Variants in FAM149A observed in about 807,000 individuals in gnomAD.
FAM149A encodes the protein family with sequence similarity 149 member A.
FAM149A carries 71 observed loss-of-function variants against 78.2 expected under a neutral mutation model. The ratio of observed to expected loss-of-function variants is 0.91; its 90% CI spans 0.75 to 1.11. FAM149A has a LOEUF of 1.11. FAM149A is among the 50% of genes least tolerant of loss of function. FAM149A has a pLI of 0.00. For missense variants in FAM149A, 1,036 were observed against 971.0 expected (o/e 1.07, Z -0.89); for synonymous variants, 446 against 410.5 (o/e 1.09, Z -1.04).
intron 6 of FAM149A, 134 bp from the exon 7 acceptor site, chr4:186,155,863 TAAA>T (rs1305345172): frequency 2.0e-5 from 12 of 610,054 alleles, no homozygotes; most frequent in Admixed American, 1.3e-4. Context: ...TTATATATGT[TAAA>T]AAAGAACGAT....
At chr4:186,170,168 A>C (rs1294499014) in intron 13 of FAM149A, among the ~76,000 whole-genome samples, 3 of 152,156 alleles carry the variant, frequency 2.0e-5, no homozygotes, top group Non-Finnish European at 4.4e-5. Flanking sequence ...GGGAGGGCAG[A>C]GATGCCCAGG....
At position 186,105,192 on chromosome 4, in the gene FAM149A, CG is replaced by C; in HGVS notation, c.122del (p.Gly41AlafsTer163). On this transcript the variant is annotated frameshift_variant, in exon 1 of 14. Coordinates refer to ENST00000389354, the MANE Select transcript of FAM149A (RefSeq NM_001367768.3). LOFTEE classifies it high-confidence loss of function. ...TCGGGAGGTGCTGCCGCTGCAGGGT[CG>C]GGGGGCTCCAGGGCGGGCACCCCGT... 3 of 1,272,526 alleles carry C rather than the reference CG, an allele frequency of 2.4e-6. No individual in the cohort carries two copies. The highest frequency in any genetic ancestry group is 6.5e-5 in the East Asian group (1 of 15,302). The allele number at this position is 1,272,526 out of a possible 1,614,324, so 78.8% of individuals were successfully genotyped here.
chr4:186,162,744 G>T, intron 8 of FAM149A, 101 bp from the exon 9 acceptor site: 1 of 647,276 alleles, frequency 1.5e-6, no homozygotes, highest in Admixed American at 2.8e-5. Context: ...TGGTGAGTGT[G>T]CCGGGTGTTT....
Position 186,167,079 on chromosome 4 carries a change from A to G in FAM149A, c.2122A>G (p.Thr708Ala). 6.2e-7 allele frequency: 1 copy of G among 1,614,110 alleles called. No individual in the cohort carries two copies. The highest frequency in any genetic ancestry group is 1.3e-5 in the African/African-American group (1 of 75,056). ...CCTGGAACGGTTGTCAAGGCCCAGCACAACCCACACGTTCCGGGTGGGTTC... is the reference window on the plus strand; with the variant it reads ...CCTGGAACGGTTGTCAAGGCCCAGCGCAACCCACACGTTCCGGGTGGGTTC... The change falls in exon 12 of 14, where the codon ACA (threonine) becomes GCA (alanine). Residue 708 changes from threonine to alanine, a missense_variant. By Grantham distance (58) the Thr-to-Ala change is moderately conservative. Transcript: ENST00000389354.
At chr4:186,110,411 T>G in intron 1 of FAM149A, 3 of 772,214 alleles carry the variant, frequency 3.9e-6, no homozygotes, top group Non-Finnish European at 4.7e-6. Context: ...TTTTTTATTA[T>G]ACTTTAAGTT....
At chr4:186,153,168 CTG>C (rs1379014628) in intron 4 of FAM149A, 1 of 699,056 alleles carries the variant, frequency 1.4e-6, no homozygotes, top group Non-Finnish European at 1.8e-6. Flanking sequence ...CTTGTCACTG[CTG>C]TCTTACATCA....
intron 1 of FAM149A, among the ~76,000 whole-genome samples, chr4:186,140,441 C>CTTTTTTT (rs67506672): frequency 3.8e-5 from 4 of 104,976 alleles, no homozygotes; most frequent in African/African-American, 1.5e-4. Flanking sequence ...ACACACCTAG[C>CTTTTTTT]TTTTTTTTTT....
chr4:186,105,275 C>T lies in FAM149A; in HGVS notation c.199C>T (p.Arg67Trp), dbSNP rs2150072530. ...GGCTCCGGACTCCCCCTCCGCCTCGCGGCGGTCGCCCGCCCCGCTGCTCTC... is the reference window on the plus strand; with the variant it reads ...GGCTCCGGACTCCCCCTCCGCCTCGTGGCGGTCGCCCGCCCCGCTGCTCTC... Residue 67 changes from arginine (R) to tryptophan (W), a missense_variant, in exon 1 of 14, where the codon CGG (arginine) becomes TGG (tryptophan). This residue lies in a region of FAM149A where 316 missense variants were observed against 241.9 expected (regional missense o/e 1.31). Transcript: ENST00000389354. 2 of 1,193,980 alleles carry T rather than the reference C, an allele frequency of 1.7e-6. No individual in the cohort carries two copies. Among genetic ancestry groups the T allele is most frequent in the South Asian group, 3.0e-5 (2 of 66,372 alleles). 74.0% of individuals were successfully genotyped at this position (1,193,980 alleles called of 1,614,324 possible).
At chr4:186,107,232 A>C (rs1332705364) in intron 1 of FAM149A, among the ~76,000 whole-genome samples, 2 of 152,224 alleles carry the variant, frequency 1.3e-5, no homozygotes, top group African/African-American at 4.8e-5. Flanking sequence ...GCACTGAAAT[A>C]TGCAGCATGG....
At chr4:186,128,760 T>A (rs752332456) in intron 1 of FAM149A, among the ~76,000 whole-genome samples, 1 of 152,194 alleles carries the variant, frequency 6.6e-6, no homozygotes, top group African/African-American at 2.4e-5. Context: ...ATATTCACAC[T>A]TTGAGCTTAG....
chr4:186,169,098 C>T (rs903826841), intron 13 of FAM149A: 4 of 632,092 alleles, frequency 6.3e-6, no homozygotes, highest in South Asian at 7.0e-5. Flanking sequence ...TTGGAGCACA[C>T]GTAAGTAGAG....
chr4:186,163,629 A>G lies in FAM149A; in HGVS notation c.1885A>G (p.Lys629Glu). ...TAGTGACGAAGTTCTTCGGGGAACA[A>G]AACTGTGAGTCTCATTTCTTTCATA... Residue 629 changes from lysine to glutamate, a missense_variant, in exon 10 of 14, where the codon AAA becomes GAA. Coordinates refer to ENST00000389354, the MANE Select transcript of FAM149A (RefSeq NM_001367768.3). 6.2e-7 allele frequency: 1 copy of G among 1,612,228 alleles called. No homozygotes were observed. The highest frequency in any genetic ancestry group is 1.3e-5 in the African/African-American group (1 of 75,026).
In FAM149A at chr4:186,144,955, GC is replaced by G. The variant is rs1732899631; in HGVS notation, c.567-4217del. On this transcript the variant is annotated intron_variant, in intron 1 of 13. Transcript: ENST00000389354. This position sits in a 1 kb window ranked among gnomAD's most constrained non-coding sequence, Gnocchi z 4.2. ...CGCGGGCGCGGGCGCGGGCGCGGGC[GC>G]GGGCGGGTGGGGAGCCCCAGCCCCG... 1.1e-6 allele frequency: 1 copy of G among 925,478 alleles called. No individual in the cohort carries two copies. 57.3% of individuals were successfully genotyped at this position (925,478 alleles called of 1,614,324 possible). A position where few individuals can be genotyped will look rare whatever the true frequency, so the allele number is the denominator to read the frequency against.
intron 1 of FAM149A, among the ~76,000 whole-genome samples, chr4:186,112,102 G>A (rs1478978306): frequency 1.5e-5 from 2 of 134,930 alleles, no homozygotes; most frequent in Non-Finnish European, 3.2e-5. Flanking sequence ...TCCTTGAAGA[G>A]GTCCTTCACA....
chr4:186,117,807 C>T lies in FAM149A; in HGVS notation c.566+12165C>T, dbSNP rs1302162024. 13 of 826,618 alleles carry T rather than the reference C, an allele frequency of 1.6e-5. No homozygotes were observed. In the East Asian group the frequency reaches 3.8e-4, roughly 24 times the overall value. The allele number at this position is 826,618 out of a possible 1,614,324, so 51.2% of individuals were successfully genotyped here. ...GCTAGTAGGAAGCTCTAGGAATAAACGCCTGAGAGGTATGGAGCCTAGGAA... is the reference window on the plus strand; with the variant it reads ...GCTAGTAGGAAGCTCTAGGAATAAATGCCTGAGAGGTATGGAGCCTAGGAA... On this transcript the variant is annotated intron_variant, in intron 1 of 13. Coordinates refer to ENST00000389354, the MANE Select transcript of FAM149A (RefSeq NM_001367768.3).
intron 3 of FAM149A, among the ~76,000 whole-genome samples, chr4:186,150,390 TTG>T (rs1491515126): frequency 2.9e-3 from 282 of 97,292 alleles, no homozygotes; most frequent in South Asian, 3.6e-3. Flanking sequence ...TTTTGCTTGC[TTG>T]CTTTCTCTCT....
chr4:186,139,407 G>A (rs927504617), intron 1 of FAM149A, among the ~76,000 whole-genome samples: 2 of 152,092 alleles, frequency 1.3e-5, no homozygotes, highest in Non-Finnish European at 2.9e-5. Flanking sequence ...GCCTTTAGGA[G>A]GCGATTAGGT....
At chr4:186,156,323 A>G (rs1734031309) in intron 7 of FAM149A, 133 bp downstream of exon 7, 1 of 659,768 alleles carries the variant, frequency 1.5e-6, no homozygotes, top group East Asian at 2.7e-5. Context: ...GACTTTACTC[A>G]TGAGTGCTCT....
At chr4:186,129,173 CTCTGTG>C (rs1190910455) in intron 1 of FAM149A, among the ~76,000 whole-genome samples, 4 of 150,398 alleles carry the variant, frequency 2.7e-5, no homozygotes, top group African/African-American at 9.8e-5. Context: ...GTGTATGTGT[CTCTGTG>C]TCTGTGTATG....
Sources: gnomAD v4.1 joint callset for allele counts (sites outside exome capture counted in the v4.1 genomes callset) on GRCh38, gnomAD v4.1.1 for gene constraint, gnomAD v4.1.1 regional missense constraint, Gnocchi (gnomAD v3.1) non-coding constraint, MANE v1.5 for transcripts, NCBI Gene and HGNC (gene_info 2026-07-23, HGNC 2026-07-21) for gene names.